Variants in TFAP2E observed in about 807,000 individuals in gnomAD.
TFAP2E encodes transcription factor AP-2-epsilon.
In TFAP2E, 30 loss-of-function variants were observed where a neutral mutation model predicts 37.9. The ratio of observed to expected loss-of-function variants is 0.79; its 90% CI spans 0.59 to 1.07. The LOEUF (loss-of-function observed/expected upper bound fraction) is 1.07, where lower values mean the gene tolerates loss of function less well. TFAP2E is among the 50% of genes least tolerant of loss of function. The pLI is 0.00. For missense variants in TFAP2E, 567 were observed against 637.9 expected, an observed-to-expected ratio of 0.89 and a Z score of 1.20; for synonymous variants, 318 against 295.8, an observed-to-expected ratio of 1.08 and a Z score of -0.77.
Position 35,590,199 on chromosome 1 carries a change from A to G in TFAP2E, c.904+151A>G. Reference sequence around the variant, plus strand: ...TCTGTGTGCGTATTCTCTGTCATGTATAAGGTGTGTTTGTGATTTCTGTGT... The same window carrying G: ...TCTGTGTGCGTATTCTCTGTCATGTGTAAGGTGTGTTTGTGATTTCTGTGT... On this transcript the variant is annotated intron_variant, in intron 5 of 6. Transcript: ENST00000373235. This position sits in a 1 kb window ranked among gnomAD's most constrained non-coding sequence, Gnocchi z 6.2. 1 of 764,344 alleles carries G rather than the reference A, an allele frequency of 1.3e-6. No individual in the cohort carries two copies. Among genetic ancestry groups the G allele is most frequent in the South Asian group, 1.7e-5 (1 of 59,990 alleles). 47.3% of individuals were successfully genotyped at this position (764,344 alleles called of 1,614,324 possible). A position where few individuals can be genotyped will look rare whatever the true frequency, so the allele number is the denominator to read the frequency against.
At position 35,588,674 on chromosome 1, in the gene TFAP2E, G is replaced by A. The variant is rs774660538; in HGVS notation, c.785+122G>A. 15 of 1,051,938 alleles carry A rather than the reference G, an allele frequency of 1.4e-5. No individual in the cohort carries two copies. Among genetic ancestry groups the A allele is most frequent in the Non-Finnish European group, 1.8e-5 (14 of 759,460 alleles). 65.2% of individuals were successfully genotyped at this position (1,051,938 alleles called of 1,614,324 possible). On this transcript the variant is annotated intron_variant, in intron 4 of 6. Transcript: ENST00000373235. The surrounding 1 kb of genome is among the most constrained non-coding windows in gnomAD (Gnocchi z 5.1). The stretch of plus-strand genomic sequence containing the variant: ...CTCTGCCTCAGTCTCCCTGGGAGGG[G>A]AGGCCCCGGGGACTCTGGATTGTGC...
chr1:35,588,750 T>C lies in TFAP2E; in HGVS notation c.785+198T>C, dbSNP rs1177183565. 2.6e-5 allele frequency among the ~76,000 whole-genome samples: 4 copies of C among 151,892 alleles called. No homozygotes were observed. Among genetic ancestry groups the C allele is most frequent in the Non-Finnish European group, 5.9e-5 (4 of 67,968 alleles). ...CTGGTGGCTGCCACATGTCTGTGGG[T>C]CTGGGGTAGGGAGGTGGGCAGAGAA... On this transcript the variant is annotated intron_variant, in intron 4 of 6. Coordinates refer to ENST00000373235, the MANE Select transcript of TFAP2E (RefSeq NM_178548.4). The surrounding 1 kb of genome is among the most constrained non-coding windows in gnomAD (Gnocchi z 5.1).
intron 3 of TFAP2E, among the ~76,000 whole-genome samples, chr1:35,578,842 A>G (rs1460591517): frequency 6.6e-6 from 1 of 151,962 alleles, no homozygotes; most frequent in Non-Finnish European, 1.5e-5. Flanking sequence ...CTGTAATCCC[A>G]GCACTTTGGG....
intron 6 of TFAP2E, among the ~76,000 whole-genome samples, chr1:35,591,589 A>G (rs1253483308): frequency 2.0e-5 from 3 of 152,210 alleles, no homozygotes; most frequent in Non-Finnish European, 2.9e-5. Context: ...CCCACTGCAT[A>G]AGAATCTTCA....
At chr1:35,587,143 G>A (rs1004568413) in intron 3 of TFAP2E, among the ~76,000 whole-genome samples, 6 of 152,174 alleles carry the variant, frequency 3.9e-5, no homozygotes, top group African/African-American at 1.2e-4. Flanking sequence ...CTCCACACCC[G>A]AGCCTCACTC....
At position 35,595,144 on chromosome 1, in the gene TFAP2E, A is replaced by C. The variant is rs1649795260; in HGVS notation, c.*468A>C. ...CCCCCAGAAAAGGGGTGCTGGAAGGAGGCCCCAGTGGACTCTTTGTACCCT... is the reference window on the plus strand; with the variant it reads ...CCCCCAGAAAAGGGGTGCTGGAAGGCGGCCCCAGTGGACTCTTTGTACCCT... On this transcript the variant is annotated 3_prime_UTR_variant, in exon 7 of 7. Coordinates refer to ENST00000373235, the MANE Select transcript of TFAP2E (RefSeq NM_178548.4). 9.6e-6 allele frequency: 2 copies of C among 207,868 alleles called. No homozygotes were observed. Among genetic ancestry groups the C allele is most frequent in the African/African-American group, 4.8e-5 (2 of 41,842 alleles). 12.9% of individuals were successfully genotyped at this position (207,868 alleles called of 1,614,324 possible).
In TFAP2E at chr1:35,573,471, C is replaced by A; in HGVS notation, c.-107C>A. On this transcript the variant is annotated 5_prime_UTR_variant, in exon 1 of 7. Coordinates refer to ENST00000373235, the MANE Select transcript of TFAP2E (RefSeq NM_178548.4). The surrounding 1 kb of genome is among the most constrained non-coding windows in gnomAD (Gnocchi z 5.9). Reference sequence around the variant, plus strand: ...GCTGGGTCGCACCCAGCTACCGCACCGTGACCTCCGCGGGCTGTGCCGGCT... The same window carrying A: ...GCTGGGTCGCACCCAGCTACCGCACAGTGACCTCCGCGGGCTGTGCCGGCT... 7.4e-7 allele frequency: 1 copy of A among 1,352,874 alleles called. No homozygotes were observed. The highest frequency in any genetic ancestry group is 9.6e-7 in the Non-Finnish European group (1 of 1,046,282). 83.8% of individuals were successfully genotyped at this position (1,352,874 alleles called of 1,614,324 possible).
In TFAP2E at chr1:35,574,034, A is replaced by G; in HGVS notation, c.135A>G (p.Thr45=). 2.7e-6 allele frequency: 4 copies of G among 1,485,666 alleles called. No homozygotes were observed. Among genetic ancestry groups the G allele is most frequent in the Non-Finnish European group, 3.6e-6 (4 of 1,123,776 alleles). 92.0% of individuals were successfully genotyped at this position (1,485,666 alleles called of 1,614,324 possible). Residue 45 remains threonine, a synonymous_variant, in exon 2 of 7, where the codon ACA becomes ACG. Transcript: ENST00000373235. ...CGCTCTGCCACACGCCGGCCGCCAC[A>G]GCTGCCGCCGAATTCCAGCCGCCCT... is the stretch of plus-strand genomic sequence containing the variant. ...APPLCHTPAA[T]AAAEFQPPYF...
chr1:35,578,511 C>T (rs181455414), intron 3 of TFAP2E, among the ~76,000 whole-genome samples: 50 of 151,998 alleles, frequency 3.3e-4, no homozygotes, highest in Admixed American at 3.1e-3. Context: ...AGGATGAGAA[C>T]TGAGATGGAT....
chr1:35,594,896 TG>T lies in TFAP2E; in HGVS notation c.*221del. ...GTTAAGGGCCCAGGTATTTGTCTCA[TG>T]TGTGCAATTTTCTGACCTTTGATGG... On this transcript the variant is annotated 3_prime_UTR_variant, in exon 7 of 7. Transcript: ENST00000373235. The T allele has an allele frequency of 1.6e-6, 1 of 625,268 alleles. No homozygotes were observed. The highest frequency in any genetic ancestry group is 2.7e-6 in the Non-Finnish European group (1 of 367,880). 38.7% of individuals were successfully genotyped at this position (625,268 alleles called of 1,614,324 possible).
In TFAP2E at chr1:35,577,283, C is replaced by T; in HGVS notation, c.562+2283C>T. 2.3e-6 allele frequency: 1 copy of T among 434,102 alleles called. No homozygotes were observed. The highest frequency in any genetic ancestry group is 4.7e-6 in the Non-Finnish European group (1 of 213,568). 26.9% of individuals were successfully genotyped at this position (434,102 alleles called of 1,614,324 possible). A position where few individuals can be genotyped will look rare whatever the true frequency, so the allele number is the denominator to read the frequency against. On this transcript the variant is annotated intron_variant, in intron 3 of 6. Coordinates refer to ENST00000373235, the MANE Select transcript of TFAP2E (RefSeq NM_178548.4). This position sits in a 1 kb window ranked among gnomAD's most constrained non-coding sequence, Gnocchi z 6.3. ...GGCTCCTTGCTCCCTGGAGCCGCCCCTCCCCACACCTGCCCTCGGCGCCCC... is the reference window on the plus strand; with the variant it reads ...GGCTCCTTGCTCCCTGGAGCCGCCCTTCCCCACACCTGCCCTCGGCGCCCC...
chr1:35,587,581 T>TGAGCC (rs112962958), intron 3 of TFAP2E, among the ~76,000 whole-genome samples: 2,356 of 133,706 alleles, frequency 0.018, 54 homozygotes, highest in East Asian at 0.072. Context: ...GAGGTTGCGG[T>TGAGCC]GAGCCGAGAT....
At chr1:35,579,542 C>T (rs1384185809) in intron 3 of TFAP2E, among the ~76,000 whole-genome samples, 1 of 151,946 alleles carries the variant, frequency 6.6e-6, no homozygotes, top group East Asian at 2.0e-4. Flanking sequence ...TTACAGGTAC[C>T]TGTCACCACG....
In TFAP2E at chr1:35,590,800, C is replaced by A. The variant is rs568948280; in HGVS notation, c.1046+25C>A. 2.1e-6 allele frequency: 3 copies of A among 1,397,634 alleles called. No homozygotes were observed. Among genetic ancestry groups the A allele is most frequent in the Non-Finnish European group, 2.8e-6 (3 of 1,059,660 alleles). The allele number at this position is 1,397,634 out of a possible 1,614,324, so 86.6% of individuals were successfully genotyped here. A position where few individuals can be genotyped will look rare whatever the true frequency, so the allele number is the denominator to read the frequency against. On this transcript the variant is annotated intron_variant, in intron 6 of 6. Transcript: ENST00000373235. This position sits in a 1 kb window ranked among gnomAD's most constrained non-coding sequence, Gnocchi z 6.2. ...AGTGAGTGAGGGCACCCTGCACAGG[C>A]ACACGTGGGTGCCATGCACAGACAG...
At chr1:35,585,803 G>A (rs1557436582) in intron 3 of TFAP2E, among the ~76,000 whole-genome samples, 1 of 152,110 alleles carries the variant, frequency 6.6e-6, no homozygotes, top group Non-Finnish European at 1.5e-5. Flanking sequence ...CCAGCACTTT[G>A]GGAGGCCAAG....
chr1:35,573,796 G>A lies in TFAP2E; in HGVS notation c.28-131G>A. 7.3e-7 allele frequency: 1 copy of A among 1,375,530 alleles called. No homozygotes were observed. The highest frequency in any genetic ancestry group is 9.5e-7 in the Non-Finnish European group (1 of 1,057,590). The allele number at this position is 1,375,530 out of a possible 1,614,324, so 85.2% of individuals were successfully genotyped here. ...AGGCTCCTGCGCCCGCGGGTGGCTC[G>A]GAAATAAACCTCGGGCCCCAAGAAA... On this transcript the variant is annotated intron_variant, in intron 1 of 6. Transcript: ENST00000373235. The surrounding 1 kb of genome is among the most constrained non-coding windows in gnomAD (Gnocchi z 5.9).
rs1416442760 is a variant in TFAP2E at position 35,573,490 on chromosome 1, G to A, written c.-88G>A. Reference sequence around the variant, plus strand: ...CCGCACCGTGACCTCCGCGGGCTGTGCCGGCTCCCGGCGCCTCTGCCCGCA... The same window carrying A: ...CCGCACCGTGACCTCCGCGGGCTGTACCGGCTCCCGGCGCCTCTGCCCGCA... On this transcript the variant is annotated 5_prime_UTR_variant, in exon 1 of 7. Transcript: ENST00000373235. The surrounding 1 kb of genome is among the most constrained non-coding windows in gnomAD (Gnocchi z 5.9). The A allele has an allele frequency of 8.6e-6, 12 of 1,391,854 alleles. 1 individual carries two copies. In the African/African-American group the frequency reaches 9.2e-5, roughly 11 times the overall value. The allele number at this position is 1,391,854 out of a possible 1,614,324, so 86.2% of individuals were successfully genotyped here.
rs756361908 is a variant in TFAP2E at position 35,590,789 on chromosome 1, C to T, written c.1046+14C>T. ...GCTGGCTGCCAAGTGAGTGAGGGCA[C>T]CCTGCACAGGCACACGTGGGTGCCA... On this transcript the variant is annotated intron_variant, in intron 6 of 6. Transcript: ENST00000373235. This position sits in a 1 kb window ranked among gnomAD's most constrained non-coding sequence, Gnocchi z 6.2. 7 of 1,417,834 alleles carry T rather than the reference C, an allele frequency of 4.9e-6. No homozygotes were observed. The South Asian group carries it at 8.2e-5, about 17-fold the overall frequency. The allele number at this position is 1,417,834 out of a possible 1,614,324, so 87.8% of individuals were successfully genotyped here.
chr1:35,579,519 C>T (rs964116905), intron 3 of TFAP2E, among the ~76,000 whole-genome samples: 1 of 151,964 alleles, frequency 6.6e-6, no homozygotes, highest in Non-Finnish European at 1.5e-5. Flanking sequence ...CTCAGCCTCC[C>T]AAGTAGCTGG....
Sources: allele counts gnomAD v4.1 joint callset (sites outside exome capture counted in the v4.1 genomes callset), GRCh38; gene constraint gnomAD v4.1.1; non-coding constraint Gnocchi (gnomAD v3.1); transcripts MANE v1.5; gene names NCBI Gene and HGNC (gene_info 2026-07-23, HGNC 2026-07-21).